The following TEX2 variants were observed in gnomAD, a reference collection of about 807,000 sequenced individuals.
TEX2 encodes testis-expressed protein 2.
In TEX2, 53 loss-of-function variants were observed where a neutral mutation model predicts 106.9. That is an observed-to-expected ratio of 0.50 (90% CI 0.40 to 0.62). The LOEUF is 0.62. TEX2 is among the 20% of genes least tolerant of loss of function. The pLI is 0.00. For missense variants in TEX2, 1,207 were observed against 1,379.0 expected (o/e 0.88, Z 1.98); for synonymous variants, 523 against 534.8 (o/e 0.98, Z 0.30).
chr17:64,231,432 C>T (rs921436065), intron 1 of TEX2, among the ~76,000 whole-genome samples: 4 of 152,188 alleles, frequency 2.6e-5, no homozygotes, highest in African/African-American at 4.8e-5. Context: ...GACTAAAGGA[C>T]GGAACCAAAG....
chr17:64,211,307 T>A (rs184646284), intron 2 of TEX2, among the ~76,000 whole-genome samples: 65 of 152,266 alleles, frequency 4.3e-4, no homozygotes, highest in African/African-American at 1.5e-3. Context: ...TGACCACCTC[T>A]CTCAGAGCCT....
At chr17:64,183,861 G>A (rs2031975772) in intron 5 of TEX2, among the ~76,000 whole-genome samples, 1 of 152,028 alleles carries the variant, frequency 6.6e-6, no homozygotes, top group African/African-American at 2.4e-5. Flanking sequence ...GAACTCCTGA[G>A]CTCAAGTGAT....
rs1417616756 is a variant in TEX2, at chr17:64,217,727, C to A, written c.-25-3485G>T. On this transcript the variant is annotated intron_variant, in intron 1 of 11. Coordinates refer to ENST00000584379, the MANE Select transcript of TEX2 (RefSeq NM_001288732.2). This position sits in a 1 kb window ranked among gnomAD's most constrained non-coding sequence, Gnocchi z 4.3. ...CAAGCTTCTCTCAAGCCCTCAGGAA[C>A]TGAAAGGCCAAAAAAGAAAGCTTCC... Among the ~76,000 whole-genome samples the A allele has an allele frequency of 5.3e-5, 8 of 152,204 alleles. No homozygotes were observed. Among genetic ancestry groups the A allele is most frequent in the African/African-American group, 1.9e-4 (8 of 41,456 alleles).
At chr17:64,172,590 C>T (rs1269217231) in intron 6 of TEX2, among the ~76,000 whole-genome samples, 1 of 152,158 alleles carries the variant, frequency 6.6e-6, no homozygotes, top group Non-Finnish European at 1.5e-5. Flanking sequence ...CTGAAGGCCA[C>T]AGCTCCTGTA....
chr17:64,232,886 G>T (rs2033688247), intron 1 of TEX2, among the ~76,000 whole-genome samples: 1 of 152,192 alleles, frequency 6.6e-6, no homozygotes, highest in Admixed American at 6.5e-5. Flanking sequence ...CAGATGGCAT[G>T]AGCCCAGGTC....
At chr17:64,206,382 T>G (rs1011258570) in intron 2 of TEX2, among the ~76,000 whole-genome samples, 3 of 152,198 alleles carry the variant, frequency 2.0e-5, no homozygotes, top group Admixed American at 6.5e-5. Context: ...CAATACCATG[T>G]GCATTCACAT....
intron 5 of TEX2, among the ~76,000 whole-genome samples, chr17:64,181,824 A>ATT (rs67787101): frequency 0.64 from 92,276 of 144,876 alleles, 29,858 homozygotes; most frequent in East Asian, 0.82. Context: ...CTGGTTTTGT[A>ATT]TTTTTTTTTT....
intron 11 of TEX2, chr17:64,150,613 G>C: frequency 3.3e-6 from 1 of 305,718 alleles, no homozygotes; most frequent in African/African-American, 2.2e-5. Context: ...CAAATCTTTT[G>C]GGTTTCCTCT....
chr17:64,235,677 C>A (rs1598214112), intron 1 of TEX2, among the ~76,000 whole-genome samples: 1 of 152,028 alleles, frequency 6.6e-6, no homozygotes, highest in South Asian at 2.1e-4. Context: ...AAAAGTAAAC[C>A]ACAGTTTACA....
At chr17:64,244,320 G>T (rs187832758) in intron 1 of TEX2, among the ~76,000 whole-genome samples, 59 of 151,638 alleles carry the variant, frequency 3.9e-4, no homozygotes, top group Middle Eastern at 6.8e-3. Context: ...TGCCTAACCC[G>T]CTGGACCTCA....
intron 7 of TEX2, among the ~76,000 whole-genome samples, chr17:64,165,985 C>G (rs2031115028): frequency 6.6e-6 from 1 of 152,176 alleles, no homozygotes; most frequent in Non-Finnish European, 1.5e-5. Flanking sequence ...GTTTTAAATT[C>G]ATGTTGCAAA....
At chr17:64,255,536 T>A (rs1555637567) in intron 1 of TEX2, among the ~76,000 whole-genome samples, 1 of 152,258 alleles carries the variant, frequency 6.6e-6, no homozygotes, top group African/African-American at 2.4e-5. Flanking sequence ...TGATATCCAT[T>A]ATATTATTCT....
At chr17:64,239,827 G>A (rs935538336) in intron 1 of TEX2, among the ~76,000 whole-genome samples, 7 of 114,980 alleles carry the variant, frequency 6.1e-5, no homozygotes, top group African/African-American at 2.4e-4. Context: ...AGTGAGCCAA[G>A]ATCATGCCAC....
intron 4 of TEX2, among the ~76,000 whole-genome samples, chr17:64,193,054 C>T (rs1288714303): frequency 6.6e-6 from 1 of 152,346 alleles, no homozygotes; most frequent in African/African-American, 2.4e-5. Context: ...TTTTGTGTCT[C>T]TTGCAGCTCC....
intron 8 of TEX2, chr17:64,155,185 G>A (rs1343522636): frequency 2.2e-6 from 1 of 452,082 alleles, no homozygotes; most frequent in African/African-American, 2.0e-5. Flanking sequence ...TCAGCACCAA[G>A]GCCTCTGACA....
intron 4 of TEX2, among the ~76,000 whole-genome samples, chr17:64,192,670 TA>T (rs1187402935): frequency 1.3e-5 from 2 of 152,186 alleles, no homozygotes; most frequent in Non-Finnish European, 2.9e-5. Flanking sequence ...GTGCTGGGAT[TA>T]GGATGGAATC....
intron 1 of TEX2, among the ~76,000 whole-genome samples, chr17:64,230,931 C>A (rs1047355733): frequency 6.6e-6 from 1 of 152,182 alleles, no homozygotes; most frequent in African/African-American, 2.4e-5. Context: ...GTGCCTAAGG[C>A]AATTAAGTCA....
In TEX2 at chr17:64,152,943, A is replaced by G; in HGVS notation, c.3140+2T>C. The G allele has an allele frequency of 6.2e-7, 1 of 1,613,822 alleles. No individual in the cohort carries two copies. The highest frequency in any genetic ancestry group is 1.1e-5 in the South Asian group (1 of 90,996). The stretch of plus-strand genomic sequence containing the variant: ...TATTGTCCCTGAGGGCCCTCTACGC[A>G]CCATACTCGGTCAGTCGGGGGTGGT... On this transcript the variant is annotated splice_donor_variant, in intron 10 of 11. Coordinates refer to ENST00000584379, the MANE Select transcript of TEX2 (RefSeq NM_001288732.2). LOFTEE classifies it high-confidence loss of function.
intron 1 of TEX2, among the ~76,000 whole-genome samples, chr17:64,245,733 T>TCC (rs2033974834): frequency 6.6e-6 from 1 of 152,166 alleles, no homozygotes; most frequent in South Asian, 2.1e-4. Flanking sequence ...TTGGTGGTGT[T>TCC]CCATTAAAAT....
Sources: gnomAD v4.1 joint callset for allele counts (sites outside exome capture counted in the v4.1 genomes callset) on GRCh38, gnomAD v4.1.1 for gene constraint, Gnocchi (gnomAD v3.1) non-coding constraint, MANE v1.5 for transcripts, NCBI Gene and HGNC (gene_info 2026-07-23, HGNC 2026-07-21) for gene names.